AUTS2: variants seen among roughly 807,000 people sequenced by gnomAD.
The protein encoded by AUTS2 is activator of transcription and developmental regulator AUTS2.
AUTS2 carries 17 observed loss-of-function variants against 112.4 expected under a neutral mutation model. The observed-to-expected ratio is 0.15, with a 90% CI of 0.10 to 0.23. AUTS2 has a LOEUF of 0.23. Ranked by LOEUF, AUTS2 falls within the 10% of genes least tolerant of loss-of-function variation. The probability of loss-of-function intolerance (pLI) is 1.00; values close to 1 mark genes in which losing one functional copy is unlikely to be tolerated. For synonymous variants in AUTS2, 751 were observed against 702.7 expected, an observed-to-expected ratio of 1.07 and a Z score of -1.09; for missense variants, 1,510 against 1,701.6, an observed-to-expected ratio of 0.89 and a Z score of 1.98.
chr7:70,223,410 T>C (rs1811586582), intron 4 of AUTS2, among the ~76,000 whole-genome samples: 1 of 152,148 alleles, frequency 6.6e-6, no homozygotes, highest in African/African-American at 2.4e-5. Context: ...AGCTGAAAAA[T>C]TCCTATTGCC....
chr7:69,794,666 A>G (rs1474938630), intron 1 of AUTS2, among the ~76,000 whole-genome samples: 1 of 151,794 alleles, frequency 6.6e-6, no homozygotes, highest in African/African-American at 2.4e-5. Context: ...TTTTAATGTC[A>G]CTATTTTGAC....
chr7:70,079,086 C>T (rs1045302066), intron 2 of AUTS2, among the ~76,000 whole-genome samples: 2 of 152,102 alleles, frequency 1.3e-5, no homozygotes, highest in African/African-American at 4.8e-5. Flanking sequence ...GATTGATAAC[C>T]ATCAAGGGAA....
At chr7:69,649,149 G>T (rs1370226726) in intron 1 of AUTS2, among the ~76,000 whole-genome samples, 1 of 152,128 alleles carries the variant, frequency 6.6e-6, no homozygotes, top group African/African-American at 2.4e-5. Context: ...TAGAAAATCA[G>T]CCAGTTTTTC....
chr7:70,495,235 TAAAAAAAAAAA>T (rs34861688), intron 5 of AUTS2, among the ~76,000 whole-genome samples: 4 of 102,744 alleles, frequency 3.9e-5, no homozygotes, highest in African/African-American at 1.5e-4. Context: ...ACCTTTTCTT[TAAAAAAAAAAA>T]AAAAAAAAAA....
chr7:69,629,245 T>C (rs929064031), intron 1 of AUTS2, among the ~76,000 whole-genome samples: 6 of 152,176 alleles, frequency 3.9e-5, no homozygotes, highest in African/African-American at 1.4e-4. Context: ...GTGAGACCCA[T>C]GTGGGAATCT....
At chr7:69,792,443 G>A (rs573390285) in intron 1 of AUTS2, among the ~76,000 whole-genome samples, 1 of 151,926 alleles carries the variant, frequency 6.6e-6, no homozygotes, top group African/African-American at 2.4e-5. Flanking sequence ...GTTTCACCAT[G>A]TTAGCCAGGA....
At chr7:70,534,724 C>T (rs1409914232) in intron 5 of AUTS2, among the ~76,000 whole-genome samples, 2 of 152,188 alleles carry the variant, frequency 1.3e-5, no homozygotes, top group African/African-American at 4.8e-5. Context: ...CTGTGCCCAG[C>T]CTTTTTTTGT....
chr7:70,441,938 G>A (rs377743940), intron 5 of AUTS2, among the ~76,000 whole-genome samples: 7 of 152,116 alleles, frequency 4.6e-5, no homozygotes, highest in Non-Finnish European at 7.4e-5. Context: ...TTTCACACTC[G>A]GTAAGGTTTG....
At position 70,766,102 on chromosome 7, in the gene AUTS2, C is replaced by G. The variant is rs758233354; in HGVS notation, c.1469-12C>G. 3.0e-5 allele frequency: 48 copies of G among 1,609,654 alleles called. No homozygotes were observed. Among genetic ancestry groups the G allele is most frequent in the Non-Finnish European group, 3.9e-5 (46 of 1,176,414 alleles). ...GAAAAGGCGTCATCGTCTCCCTCTT[C>G]TTCTCTTCCAGAGCAAGACATCTTG... On this transcript the variant is annotated splice_polypyrimidine_tract_variant and intron_variant, in intron 8 of 18. Transcript: ENST00000342771. This position sits in a 1 kb window ranked among gnomAD's most constrained non-coding sequence, Gnocchi z 4.8.
chr7:70,365,050 A>G (rs1311839983), intron 4 of AUTS2, among the ~76,000 whole-genome samples: 3 of 152,186 alleles, frequency 2.0e-5, no homozygotes, highest in Non-Finnish European at 4.4e-5. Context: ...GGGAAAGCCT[A>G]TTAACAAAAA....
intron 17 of AUTS2, 165 bp from the exon 18 acceptor site, chr7:70,787,044 G>GACTT: frequency 1.3e-6 from 1 of 761,780 alleles, no homozygotes; most frequent in South Asian, 1.5e-5. Context: ...TGTAGGACAA[G>GACTT]ACTTCCTCTA....
At position 70,766,192 on chromosome 7, in the gene AUTS2, C is replaced by T. The variant is rs746226084; in HGVS notation, c.1547C>T (p.Pro516Leu). The T allele has an allele frequency of 1.9e-6, 3 of 1,614,186 alleles. No homozygotes were observed. In the South Asian group the frequency reaches 3.3e-5, roughly 18 times the overall value. ...QSADRGASLG[P>L]PPYLRTEFHQ... ...GCTGACCGCGGGGCTTCCCTGGGCC[C>T]TCCGCCCTACCTGCGGACCGAGTTC... Residue 516 changes from proline (P) to leucine (L), a missense_variant, in exon 9 of 19, where the codon CCT becomes CTT. Pro to Leu is a moderately conservative substitution (Grantham distance 98). This residue lies in a region of AUTS2 where 187 missense variants were observed against 309.7 expected (regional missense o/e 0.60). Transcript: ENST00000342771. This position sits in a 1 kb window ranked among gnomAD's most constrained non-coding sequence, Gnocchi z 4.8.
intron 4 of AUTS2, among the ~76,000 whole-genome samples, chr7:70,349,252 C>A (rs959255308): frequency 1.3e-5 from 2 of 152,194 alleles, no homozygotes; most frequent in African/African-American, 2.4e-5. Flanking sequence ...CGACTTAGAG[C>A]AGCCTGTGGG....
chr7:69,894,256 T>TTTTTTTTTTTTTG (rs1794646376), intron 1 of AUTS2, among the ~76,000 whole-genome samples: 1 of 131,308 alleles, frequency 7.6e-6, no homozygotes, highest in African/African-American at 2.9e-5. Context: ...TAAAGCGTTT[T>TTTTTTTTTTTTTG]TTTTTTTTTT....
chr7:70,754,463 T>TG (rs1177742623), intron 6 of AUTS2, among the ~76,000 whole-genome samples: 1 of 152,216 alleles, frequency 6.6e-6, no homozygotes, highest in African/African-American at 2.4e-5. Context: ...CATCCCAGCC[T>TG]GGGCAACAGA....
In AUTS2 at chr7:70,374,714, C is replaced by CT. The variant is rs1463199121; in HGVS notation, c.661-61036dup. ...AAGAAAGGTGAAAGACATATAAGGCCTTAAGGTTGGTCAGTTTGAGATCTT... is the reference window on the plus strand; with the variant it reads ...AAGAAAGGTGAAAGACATATAAGGCCTTTAAGGTTGGTCAGTTTGAGATCTT... On this transcript the variant is annotated intron_variant, in intron 4 of 18. Coordinates refer to ENST00000342771, the MANE Select transcript of AUTS2 (RefSeq NM_015570.4). Among the ~76,000 whole-genome samples the CT allele has an allele frequency of 2.6e-5, 4 of 152,250 alleles. No individual in the cohort carries two copies. In the East Asian group the frequency reaches 7.7e-4, roughly 29 times the overall value.
chr7:70,633,152 G>A (rs1444381911), intron 5 of AUTS2, among the ~76,000 whole-genome samples: 4 of 152,188 alleles, frequency 2.6e-5, no homozygotes, highest in Non-Finnish European at 2.9e-5. Flanking sequence ...GAATGTGTTG[G>A]GAGAACCTAA....
intron 2 of AUTS2, among the ~76,000 whole-genome samples, chr7:69,945,475 CA>C (rs1327885269): frequency 6.6e-6 from 1 of 151,834 alleles, no homozygotes; most frequent in Admixed American, 6.5e-5. Context: ...GTATAATTGG[CA>C]AAAAAGTACA....
At chr7:70,398,617 CT>C (rs1323160860) in intron 4 of AUTS2, among the ~76,000 whole-genome samples, 5 of 152,016 alleles carry the variant, frequency 3.3e-5, no homozygotes, top group African/African-American at 7.2e-5. Context: ...GTTCTAGTAG[CT>C]TTTTTATAGA....
Sources: allele counts gnomAD v4.1 joint callset (sites outside exome capture counted in the v4.1 genomes callset), GRCh38; gene constraint gnomAD v4.1.1; regional missense constraint gnomAD v4.1.1; non-coding constraint Gnocchi (gnomAD v3.1); transcripts MANE v1.5; gene names NCBI Gene and HGNC (gene_info 2026-07-23, HGNC 2026-07-21).